KCNH5: variants seen among roughly 807,000 people sequenced by gnomAD.
The protein encoded by KCNH5 is voltage-gated delayed rectifier potassium channel KCNH5.
Under a neutral mutation model 96.1 loss-of-function variants are expected in KCNH5, and 46 were observed. That is an observed-to-expected ratio of 0.48 (90% CI 0.38 to 0.61). The LOEUF (loss-of-function observed/expected upper bound fraction) is 0.61. Among genes scored for constraint, KCNH5 ranks in the 20% least tolerant of loss-of-function variants. The pLI, the probability that KCNH5 is intolerant of heterozygous loss-of-function variation, is 0.00. For missense variants in KCNH5, 907 were observed against 1,225.8 expected (o/e 0.74, Z 3.88); for synonymous variants, 439 against 449.8 (o/e 0.98, Z 0.30).
chr14:62,995,088 G>A (rs1443695207), intron 4 of KCNH5, among the ~76,000 whole-genome samples: 1 of 152,058 alleles, frequency 6.6e-6, no homozygotes, highest in African/African-American at 2.4e-5. Context: ...TATTTTCCCA[G>A]ATATGAATCA....
At chr14:63,024,593 CA>C (rs1302403259) in intron 1 of KCNH5, among the ~76,000 whole-genome samples, 6 of 151,798 alleles carry the variant, frequency 4.0e-5, no homozygotes, top group African/African-American at 1.2e-4. Context: ...AAAGAGGAGA[CA>C]ATACAACTGA....
At chr14:62,972,347 C>T (rs1375378224) in intron 6 of KCNH5, among the ~76,000 whole-genome samples, 1 of 152,298 alleles carries the variant, frequency 6.6e-6, no homozygotes, top group Non-Finnish European at 1.5e-5. Flanking sequence ...ATACTAACAC[C>T]GCCAAGTGTT....
chr14:63,027,804 C>T (rs1566546492), intron 1 of KCNH5, among the ~76,000 whole-genome samples: 1 of 151,948 alleles, frequency 6.6e-6, no homozygotes, highest in Non-Finnish European at 1.5e-5. Flanking sequence ...ACATTAAGGG[C>T]CGGCTGATCT....
At chr14:62,959,835 G>T (rs1890173666) in intron 6 of KCNH5, among the ~76,000 whole-genome samples, 1 of 151,964 alleles carries the variant, frequency 6.6e-6, no homozygotes, top group Non-Finnish European at 1.5e-5. Flanking sequence ...CATCACCTTA[G>T]ATCACACTAA....
intron 7 of KCNH5, among the ~76,000 whole-genome samples, chr14:62,875,363 A>G (rs1234345847): frequency 6.6e-6 from 1 of 152,142 alleles, no homozygotes; most frequent in Non-Finnish European, 1.5e-5. Flanking sequence ...TATGGAACCA[A>G]AAAAGAGCCC....
chr14:62,804,275 G>A (rs974961607), intron 8 of KCNH5, among the ~76,000 whole-genome samples: 8 of 152,090 alleles, frequency 5.3e-5, no homozygotes, highest in Non-Finnish European at 1.0e-4. Flanking sequence ...GATCTTTGAG[G>A]AAAGGAATGC....
At chr14:62,845,456 G>GATACA (rs1887672096) in intron 8 of KCNH5, among the ~76,000 whole-genome samples, 1 of 152,172 alleles carries the variant, frequency 6.6e-6, no homozygotes, top group African/African-American at 2.4e-5. Flanking sequence ...TAGATAGGTA[G>GATACA]ATACACACAC....
At chr14:62,937,993 C>T (rs985991314) in intron 7 of KCNH5, among the ~76,000 whole-genome samples, 2 of 152,128 alleles carry the variant, frequency 1.3e-5, no homozygotes, top group Non-Finnish European at 2.9e-5. Flanking sequence ...GAAAAGTTCC[C>T]GAGGTCTACT....
intron 7 of KCNH5, among the ~76,000 whole-genome samples, chr14:62,929,269 G>T (rs1387155426): frequency 6.6e-6 from 1 of 151,852 alleles, no homozygotes; most frequent in Non-Finnish European, 1.5e-5. Context: ...CCAGAGTCTC[G>T]CCACTTCCTG....
rs774297781 is a variant in KCNH5, at chr14:62,707,631, G to A, written c.2844C>T (p.Pro948=). The part of the protein sequence containing the change: ...ILKILSEKSV[P]QASSPKSQMP... ...TTTGGGATTTGGGAGATGAGGCCTG[G>A]GGTACGCTTTTTTCCGACAGTATTT... The change falls in exon 11 of 11, where the codon CCC becomes CCT. Residue 948 remains proline (P), a synonymous_variant. Coordinates refer to ENST00000322893, the MANE Select transcript of KCNH5 (RefSeq NM_139318.5). 5.1e-6 allele frequency: 8 copies of A among 1,578,074 alleles called. No homozygotes were observed. Among genetic ancestry groups the A allele is most frequent in the South Asian group, 2.3e-5 (2 of 86,014 alleles).
intron 7 of KCNH5, among the ~76,000 whole-genome samples, chr14:62,878,210 G>GC (rs1239093761): frequency 5.8e-5 from 8 of 138,080 alleles, no homozygotes; most frequent in African/African-American, 1.8e-4. Flanking sequence ...ATGGGGGGGG[G>GC]GGCGGAGGGA....
At chr14:62,851,855 C>T (rs962690574) in intron 7 of KCNH5, among the ~76,000 whole-genome samples, 17 of 152,002 alleles carry the variant, frequency 1.1e-4, no homozygotes, top group Admixed American at 8.5e-4. Flanking sequence ...TTATTACTGC[C>T]TTCTAGTTTA....
At chr14:62,841,830 C>T (rs549541846) in intron 8 of KCNH5, among the ~76,000 whole-genome samples, 23 of 152,182 alleles carry the variant, frequency 1.5e-4, no homozygotes, top group Non-Finnish European at 3.1e-4. Context: ...CAGATGTGAA[C>T]ACAAAAGCGT....
intron 7 of KCNH5, among the ~76,000 whole-genome samples, chr14:62,852,971 T>C (rs1047754258): frequency 6.6e-6 from 1 of 152,150 alleles, no homozygotes; most frequent in Non-Finnish European, 1.5e-5. Flanking sequence ...TCTTCTTGGA[T>C]GTCTAATCAT....
intron 8 of KCNH5, among the ~76,000 whole-genome samples, chr14:62,817,203 C>CATATATT (rs1394413776): frequency 1.5e-5 from 2 of 130,870 alleles, no homozygotes; most frequent in African/African-American, 2.8e-5. Context: ...TATCATATAT[C>CATATATT]ATATATTATA....
chr14:62,863,555 A>C (rs1888077807), intron 7 of KCNH5, among the ~76,000 whole-genome samples: 1 of 152,220 alleles, frequency 6.6e-6, no homozygotes, highest in African/African-American at 2.4e-5. Context: ...TTCCTCAGAA[A>C]TTAATCAAGA....
chr14:62,752,923 A>T (rs1173518311), intron 10 of KCNH5, among the ~76,000 whole-genome samples: 1 of 152,202 alleles, frequency 6.6e-6, no homozygotes, highest in Admixed American at 6.5e-5. Flanking sequence ...TCTTTTGTTT[A>T]TAAATTACCC....
intron 7 of KCNH5, among the ~76,000 whole-genome samples, chr14:62,889,897 A>G (rs1377674484): frequency 6.6e-6 from 1 of 152,202 alleles, no homozygotes; most frequent in Non-Finnish European, 1.5e-5. Context: ...TAGAAGACGA[A>G]GTTCATAAAC....
intron 7 of KCNH5, among the ~76,000 whole-genome samples, chr14:62,908,128 G>C (rs571105842): frequency 5.4e-4 from 82 of 152,250 alleles, no homozygotes; most frequent in African/African-American, 1.9e-3. Context: ...TTGTATAACA[G>C]TATATTTCAT....
Sources: gnomAD v4.1 joint callset for allele counts (sites outside exome capture counted in the v4.1 genomes callset) on GRCh38, gnomAD v4.1.1 for gene constraint, MANE v1.5 for transcripts, NCBI Gene and HGNC (gene_info 2026-07-23, HGNC 2026-07-21) for gene names.